CD36: variants seen among roughly 807,000 people sequenced by gnomAD.
CD36 encodes the protein CD36 molecule (CD36 blood group), also known as platelet glycoprotein 4.
Under a neutral mutation model 55.2 loss-of-function variants are expected in CD36, and 119 were observed. The ratio of observed to expected loss-of-function variants is 2.15; its 90% CI spans 1.86 to 2.51. CD36 has a LOEUF of 2.51. Ranked by LOEUF, CD36 falls within the 30% of genes most tolerant of loss-of-function variation. CD36 has a pLI of 0.00. For missense variants in CD36, 819 were observed against 555.5 expected (o/e 1.47, Z -4.77); for synonymous variants, 186 against 193.6 (o/e 0.96, Z 0.33).
intron 1 of CD36, among the ~76,000 whole-genome samples, chr7:80,615,783 A>G (rs1045119391): frequency 6.6e-6 from 1 of 152,172 alleles, no homozygotes; most frequent in Non-Finnish European, 1.5e-5. Flanking sequence ...GGGAAGCTTC[A>G]TGAAAACTCT....
intron 4 of CD36, among the ~76,000 whole-genome samples, chr7:80,659,717 T>C (rs925793381): frequency 2.6e-4 from 40 of 152,140 alleles, no homozygotes; most frequent in Non-Finnish European, 1.5e-4. Context: ...TATGTTGCTA[T>C]TGTTTTAATA....
chr7:80,649,353 G>A (rs891176916), intron 3 of CD36, among the ~76,000 whole-genome samples: 2 of 152,040 alleles, frequency 1.3e-5, no homozygotes, highest in Non-Finnish European at 2.9e-5. Context: ...GGATACCAGA[G>A]ATAGGAAAAC....
chr7:80,664,321 T>G (rs775982131), intron 6 of CD36, 85 bp from the exon 7 acceptor site: 33 of 775,510 alleles, frequency 4.3e-5, no homozygotes, highest in Non-Finnish European at 3.8e-5. Context: ...AACCAGTGAT[T>G]GAGAAATGTG....
intron 1 of CD36, among the ~76,000 whole-genome samples, chr7:80,645,168 G>T (rs1795069059): frequency 1.3e-5 from 2 of 151,464 alleles, no homozygotes; most frequent in South Asian, 4.2e-4. Context: ...TTACAAGCAT[G>T]TGCCACCAAG....
Position 80,673,312 on chromosome 7 carries a change from TATTAGTTTATATGTTCATAATTA to T in CD36, c.1200-42_1200-20del. 1.2e-6 allele frequency: 1 copy of T among 867,538 alleles called. No homozygotes were observed. Among genetic ancestry groups the T allele is most frequent in the African/African-American group, 1.7e-5 (1 of 59,034 alleles). The allele number at this position is 867,538 out of a possible 1,614,324, so 53.7% of individuals were successfully genotyped here. On this transcript the variant is annotated intron_variant, in intron 12 of 14. Transcript: ENST00000447544. Reference sequence around the variant, plus strand: ...TATTTTAAAGTTTGTTATATATAAATATTAGTTTATATGTTCATAATTATTTTCAACGTATATTACAGAGTATT... The same window carrying T: ...TATTTTAAAGTTTGTTATATATAAATTTTTCAACGTATATTACAGAGTATT...
intron 13 of CD36, 76 bp downstream of exon 13, chr7:80,673,485 T>G: frequency 1.2e-6 from 1 of 857,608 alleles, no homozygotes. Flanking sequence ...TTCAAAAGAA[T>G]GTATAGTATT....
exon 1 of CD36, chr7:80,602,365 C>T (rs1415990763): frequency 6.6e-6 from 1 of 152,124 alleles, no homozygotes; most frequent in Admixed American, 6.6e-5. Context: ...CGAAAGCAAG[C>T]TCTTCTAGAA....
chr7:80,607,690 T>C (rs1792638438), intron 1 of CD36, among the ~76,000 whole-genome samples: 1 of 152,160 alleles, frequency 6.6e-6, no homozygotes, highest in Non-Finnish European at 1.5e-5. Context: ...CTCCAATCAC[T>C]CTTCTCAACT....
chr7:80,670,983 C>G lies in CD36; in HGVS notation c.825C>G (p.Ile275Met), dbSNP rs1797606560. 1.9e-6 allele frequency: 3 copies of G among 1,610,838 alleles called. No individual in the cohort carries two copies. Among genetic ancestry groups the G allele is most frequent in the East Asian group, 2.2e-5 (1 of 44,792 alleles). ...CTTTTTTCTCTGTATTTAGGTCAAT[C>G]TATGCTGTATTTGAATCCGACGTTA... is the stretch of plus-strand genomic sequence containing the variant. ...QFFSSDICRS[I>M]YAVFESDVNL... The change falls in exon 10 of 15, where the codon ATC becomes ATG. Residue 275 changes from isoleucine to methionine, a missense_variant. Coordinates refer to ENST00000447544, the MANE Select transcript of CD36 (RefSeq NM_001001548.3).
chr7:80,660,929 AACACC>A, intron 4 of CD36, 129 bp from the exon 5 acceptor site: 1 of 734,944 alleles, frequency 1.4e-6, no homozygotes, highest in Non-Finnish European at 2.4e-6. Context: ...TTCTCATTTT[AACACC>A]ATTGCTTACA....
At chr7:80,613,209 T>C (rs529778167) in intron 1 of CD36, among the ~76,000 whole-genome samples, 87 of 152,258 alleles carry the variant, frequency 5.7e-4, no homozygotes, top group African/African-American at 2.1e-3. Flanking sequence ...CTTTACATTA[T>C]ACATATATGC....
rs895715760 is a variant in CD36 at position 80,664,550 on chromosome 7, G to C, written c.701+53G>C. On this transcript the variant is annotated intron_variant, in intron 7 of 14. Transcript: ENST00000447544. ...ATGTTACTAGGGTACTCTTAAGCAGGAATAGTATTCATTTAACATCTCATA... is the reference window on the plus strand; with the variant it reads ...ATGTTACTAGGGTACTCTTAAGCAGCAATAGTATTCATTTAACATCTCATA... 3.1e-6 allele frequency: 3 copies of C among 955,170 alleles called. No homozygotes were observed. The African/African-American group carries it at 4.8e-5, about 15-fold the overall frequency. The allele number at this position is 955,170 out of a possible 1,614,324, so 59.2% of individuals were successfully genotyped here.
intron 8 of CD36, among the ~76,000 whole-genome samples, chr7:80,668,479 T>C (rs1797335443): frequency 1.3e-5 from 2 of 152,220 alleles, no homozygotes; most frequent in Non-Finnish European, 1.5e-5. Context: ...CTTTACCTTC[T>C]TCAGTAAGTT....
intron 1 of CD36, among the ~76,000 whole-genome samples, chr7:80,606,677 T>C (rs1163808232): frequency 6.6e-6 from 1 of 152,152 alleles, no homozygotes; most frequent in Non-Finnish European, 1.5e-5. Context: ...TCACTCTGGG[T>C]CCGAGGGTCA....
At chr7:80,668,681 T>G (rs1027432708) in intron 8 of CD36, among the ~76,000 whole-genome samples, 1 of 152,188 alleles carries the variant, frequency 6.6e-6, no homozygotes, top group Non-Finnish European at 1.5e-5. Flanking sequence ...TTTTCTTTAA[T>G]TATTAAGGAA....
Position 80,664,457 on chromosome 7 carries a change from A to G in CD36, c.661A>G (p.Ile221Val), listed in dbSNP as rs747606498. 30 of 1,583,868 alleles carry G rather than the reference A, an allele frequency of 1.9e-5. No individual in the cohort carries two copies. The highest frequency in any genetic ancestry group is 3.3e-4 in the Middle Eastern group (2 of 5,976). Residue 221 changes from isoleucine to valine, a missense_variant, in exon 7 of 15, where the codon ATA becomes GTA. Physicochemically the swap from Ile to Val is conservative, Grantham distance 29 (BLOSUM62 3). Transcript: ENST00000447544. ...VYKVFNGKDN[I>V]SKVAIIDTYK... ...TAAAGTTTTCAATGGAAAAGATAAC[A>G]TAAGTAAAGTTGCCATAATCGACAC...
At position 80,646,807 on chromosome 7, in the gene CD36, G is replaced by C. The variant is rs1795202887; in HGVS notation, c.67G>C (p.Gly23Arg). Residue 23 changes from glycine (G) to arginine (R), a missense_variant, in exon 3 of 15, where the codon GGA becomes CGA. Coordinates refer to ENST00000447544, the MANE Select transcript of CD36 (RefSeq NM_001001548.3). ...AVIGAVLAVF[G>R]GILMPVGDLL... ...CATTGGTGCTGTCCTGGCTGTGTTT[G>C]GAGGTATTCTAATGCCAGTTGGAGA... 6.2e-7 allele frequency: 1 copy of C among 1,613,868 alleles called. No homozygotes were observed. The highest frequency in any genetic ancestry group is 1.3e-5 in the African/African-American group (1 of 74,900).
chr7:80,645,145 G>A (rs373742247), intron 1 of CD36, among the ~76,000 whole-genome samples: 15 of 150,844 alleles, frequency 9.9e-5, no homozygotes, highest in South Asian at 2.1e-4. Flanking sequence ...CTCAGCCTCC[G>A]GAGTAGCTGG....
chr7:80,670,371 C>T, intron 9 of CD36: 1 of 310,004 alleles, frequency 3.2e-6, no homozygotes, highest in Non-Finnish European at 6.1e-6. Flanking sequence ...CAGTAGATAA[C>T]ACACAAGCAC....
Sources: allele counts gnomAD v4.1 joint callset (sites outside exome capture counted in the v4.1 genomes callset), GRCh38; gene constraint gnomAD v4.1.1; transcripts MANE v1.5; gene names NCBI Gene and HGNC (gene_info 2026-07-23, HGNC 2026-07-21).